SMG1: variants seen among roughly 807,000 people sequenced by gnomAD.
The protein encoded by SMG1 is SMG1 nonsense mediated mRNA decay associated PI3K related kinase, also known as serine/threonine-protein kinase SMG1.
In SMG1, 22 loss-of-function variants were observed where a neutral mutation model predicts 419.9. The ratio of observed to expected loss-of-function variants is 0.05; its 90% CI spans 0.04 to 0.07. The LOEUF (loss-of-function observed/expected upper bound fraction) is 0.07. Ranked by LOEUF, SMG1 falls within the 10% of genes least tolerant of loss-of-function variation. The probability of loss-of-function intolerance (pLI) is 1.00; values close to 1 mark genes in which losing one functional copy is unlikely to be tolerated. For missense variants in SMG1, 3,185 were observed against 4,342.0 expected, an observed-to-expected ratio of 0.73 and a Z score of 7.49; for synonymous variants, 1,538 against 1,553.5, an observed-to-expected ratio of 0.99 and a Z score of 0.23.
rs2033051687 is a variant in SMG1 at position 18,829,940 on chromosome 16, G to C, written c.9119C>G (p.Ser3040Cys). ...KEFFRLCGTF[S>C]KTLSGSSSLE... is the part of the protein sequence containing the mutation. ...TAGAATATTACCTGACAATGTTTTA[G>C]AAAAGGTACCACAGAGCCTGAAGAA... The change falls in exon 53 of 63, where the codon TCT becomes TGT. Residue 3040 changes from serine (S) to cysteine (C), a missense_variant. Transcript: ENST00000446231. 6.4e-7 allele frequency: 1 copy of C among 1,554,182 alleles called. No homozygotes were observed. Among genetic ancestry groups the C allele is most frequent in the East Asian group, 2.3e-5 (1 of 43,952 alleles).
At chr16:18,887,384 T>C (rs1297852730) in intron 6 of SMG1, among the ~76,000 whole-genome samples, 1 of 151,882 alleles carries the variant, frequency 6.6e-6, no homozygotes, top group African/African-American at 2.4e-5. Context: ...GGGTTGCCTA[T>C]AATGGAGTGC....
intron 26 of SMG1, among the ~76,000 whole-genome samples, chr16:18,859,984 C>T (rs1207494336): frequency 6.6e-6 from 1 of 152,096 alleles, no homozygotes; most frequent in East Asian, 1.9e-4. Context: ...TTTGGGAGGC[C>T]AAGGTGGGTG....
In SMG1 at chr16:18,891,790, A is replaced by G. The variant is rs372526918; in HGVS notation, c.549+428T>C. 2.2e-4 allele frequency among the ~76,000 whole-genome samples: 33 copies of G among 152,268 alleles called. No individual in the cohort carries two copies. The South Asian group carries it at 5.8e-3, about 27-fold the overall frequency. ...TGAAGAAAAAAATTTAACCCTTCCT[A>G]TACTTTGTTACATTTCTGTTGTTGT... On this transcript the variant is annotated intron_variant, in intron 4 of 62. Coordinates refer to ENST00000446231, the MANE Select transcript of SMG1 (RefSeq NM_015092.5).
chr16:18,893,300 T>C (rs2036965790), intron 3 of SMG1, among the ~76,000 whole-genome samples: 1 of 152,210 alleles, frequency 6.6e-6, no homozygotes, highest in African/African-American at 2.4e-5. Flanking sequence ...CAATAGTGAA[T>C]ACTATGAGTA....
At chr16:18,871,576 G>A (rs2035825351) in intron 15 of SMG1, 94 bp from the exon 16 acceptor site, 1 of 498,596 alleles carries the variant, frequency 2.0e-6, no homozygotes, top group Non-Finnish European at 3.5e-6. Context: ...TCTTCTCTTG[G>A]TTTTTCAAAC....
At chr16:18,876,090 G>C in intron 13 of SMG1, 34 bp downstream of exon 13, 1 of 1,607,678 alleles carries the variant, frequency 6.2e-7, no homozygotes, top group Non-Finnish European at 8.5e-7. Flanking sequence ...GCTTAACTGT[G>C]GATAAAACAA....
chr16:18,867,275 T>G lies in SMG1; in HGVS notation c.3196-500A>C, dbSNP rs533086907. Among the ~76,000 whole-genome samples the G allele has an allele frequency of 1.3e-3, 197 of 152,294 alleles. 1 individual carries two copies. Among genetic ancestry groups the G allele is most frequent in the Non-Finnish European group, 1.3e-3 (86 of 68,028 alleles). ...CTGGCCAAGTGCAGTAGCTCATGCC[T>G]GTAATCCCAGCACTTTGGAAGGCCG... On this transcript the variant is annotated intron_variant, in intron 22 of 62. Transcript: ENST00000446231.
chr16:18,858,404 T>C (rs1226082190), intron 28 of SMG1, 114 bp from the exon 29 acceptor site: 5 of 841,200 alleles, frequency 5.9e-6, no homozygotes, highest in East Asian at 2.9e-5. Flanking sequence ...TTCAGATTGA[T>C]TGCAGTAGTT....
At chr16:18,886,044 T>C (rs2036599069) in intron 6 of SMG1, among the ~76,000 whole-genome samples, 1 of 152,210 alleles carries the variant, frequency 6.6e-6, no homozygotes, top group Non-Finnish European at 1.5e-5. Flanking sequence ...TCTTCTTCAA[T>C]GTTTGTTAAT....
intron 51 of SMG1, among the ~76,000 whole-genome samples, chr16:18,832,437 T>A (rs958597149): frequency 6.6e-6 from 1 of 152,244 alleles, no homozygotes; most frequent in African/African-American, 2.4e-5. Context: ...GTGTGTACTC[T>A]GTTAGCTAAA....
In SMG1 at chr16:18,815,487, G is replaced by C. The variant is rs1567312944; in HGVS notation, c.10467C>G (p.Leu3489=). 6.2e-7 allele frequency: 1 copy of C among 1,613,914 alleles called. No individual in the cohort carries two copies. The highest frequency in any genetic ancestry group is 1.6e-4 in the Middle Eastern group (1 of 6,062). The change falls in exon 59 of 63, where the codon CTC becomes CTG. Residue 3489 remains leucine, a synonymous_variant. Transcript: ENST00000446231. ...QVRSQEHVEM[L]QEITPTLKEL... ...CTTTCAAGGTGGGAGTGATTTCCTG[G>C]AGCATTTCAACGTGTTCTTGACTTC...
At chr16:18,814,442 T>C (rs2031795052) in intron 60 of SMG1, among the ~76,000 whole-genome samples, 1 of 151,674 alleles carries the variant, frequency 6.6e-6, no homozygotes, top group African/African-American at 2.4e-5. Flanking sequence ...GAGGTTACAG[T>C]GAGCCGCAAC....
At chr16:18,843,409 C>T (rs1419679361) in intron 39 of SMG1, among the ~76,000 whole-genome samples, 1 of 152,178 alleles carries the variant, frequency 6.6e-6, no homozygotes, top group African/African-American at 2.4e-5. Context: ...AGGGAACAGA[C>T]TGTATGTACA....
chr16:18,879,889 C>G (rs970295043), intron 10 of SMG1, among the ~76,000 whole-genome samples, 170 bp from the exon 11 acceptor site: 15 of 152,196 alleles, frequency 9.9e-5, no homozygotes, highest in Non-Finnish European at 2.2e-4. Flanking sequence ...ATCTTTAGTA[C>G]AGTATGTAAA....
chr16:18,887,516 C>G (rs1351850782), intron 6 of SMG1, among the ~76,000 whole-genome samples: 1 of 110,140 alleles, frequency 9.1e-6, no homozygotes, highest in African/African-American at 3.4e-5. Context: ...TTTTTTTTTC[C>G]TTTTTTTTTT....
At position 18,806,308 on chromosome 16, in the gene SMG1, G is replaced by A. The variant is rs2030832307; in HGVS notation, c.*3261C>T. On this transcript the variant is annotated 3_prime_UTR_variant, in exon 63 of 63. Coordinates refer to ENST00000446231, the MANE Select transcript of SMG1 (RefSeq NM_015092.5). ...GCAAGGGTTAAGGGCAGAAGTGATG[G>A]AAGTGTTTCTTTGTATTACAAACCC... The A allele has an allele frequency of 2.0e-5, 3 of 152,608 alleles. No individual in the cohort carries two copies. Among genetic ancestry groups the A allele is most frequent in the South Asian group, 4.1e-4 (2 of 4,822 alleles). 9.5% of individuals were successfully genotyped at this position (152,608 alleles called of 1,614,324 possible).
At chr16:18,862,401 T>C (rs1567385205) in intron 25 of SMG1, among the ~76,000 whole-genome samples, 1 of 152,160 alleles carries the variant, frequency 6.6e-6, no homozygotes, top group Non-Finnish European at 1.5e-5. Context: ...GGCTCTAGAG[T>C]ATAGAGACTG....
At chr16:18,878,229 C>T (rs2036228062) in intron 11 of SMG1, 6 of 151,734 alleles carry the variant, frequency 4.0e-5, no homozygotes, top group Admixed American at 3.3e-4. Flanking sequence ...TGGTGAAACC[C>T]CGTCTGTACT....
At chr16:18,917,807 C>A (rs997100741) in intron 1 of SMG1, among the ~76,000 whole-genome samples, 2 of 151,408 alleles carry the variant, frequency 1.3e-5, no homozygotes, top group Non-Finnish European at 2.9e-5. Context: ...GAACTCCCCA[C>A]CTCAGGAGAT....
Sources: gnomAD v4.1 joint callset for allele counts (sites outside exome capture counted in the v4.1 genomes callset) on GRCh38, gnomAD v4.1.1 for gene constraint, MANE v1.5 for transcripts, NCBI Gene and HGNC (gene_info 2026-07-23, HGNC 2026-07-21) for gene names.